Variants in ABCC12 observed in about 807,000 individuals in gnomAD.
ABCC12 encodes ATP-binding cassette sub-family C member 12.
Under a neutral mutation model 151.1 loss-of-function variants are expected in ABCC12, and 142 were observed. The observed-to-expected ratio is 0.94, with a 90% CI of 0.82 to 1.08. The LOEUF is 1.08. Ranked by LOEUF, ABCC12 falls within the 50% of genes least tolerant of loss-of-function variation. The probability of loss-of-function intolerance (pLI) is 0.00; values close to 1 mark genes in which losing one functional copy is unlikely to be tolerated. For synonymous variants in ABCC12, 645 were observed against 646.4 expected, an observed-to-expected ratio of 1.00 and a Z score of 0.03; for missense variants, 1,638 against 1,691.1, an observed-to-expected ratio of 0.97 and a Z score of 0.55.
In ABCC12 at chr16:48,140,869, C is replaced by T. The variant is rs138695112; in HGVS notation, c.475G>A (p.Val159Ile). Residue 159 changes from valine (V) to isoleucine (I), a missense_variant, in exon 6 of 31, where the codon GTC becomes ATC. Val to Ile is a conservative substitution (Grantham distance 29, BLOSUM62 3). Coordinates refer to ENST00000311303, the MANE Select transcript of ABCC12 (RefSeq NM_001393797.1). ...LQQTERTSGK[V>I]WVGIGLCIAL... ...ATGCACAGTCCAATGCCAACCCAGACTTTCCCAGAGGTCCTCTCAGTCTGC... is the reference window on the plus strand; with the variant it reads ...ATGCACAGTCCAATGCCAACCCAGATTTTCCCAGAGGTCCTCTCAGTCTGC... The T allele has an allele frequency of 7.1e-5, 115 of 1,614,064 alleles. No individual in the cohort carries two copies. In the African/African-American group the frequency reaches 1.3e-3, roughly 18 times the overall value.
intron 2 of ABCC12, among the ~76,000 whole-genome samples, chr16:48,146,939 A>C (rs1965024715): frequency 6.6e-6 from 1 of 151,442 alleles, no homozygotes; most frequent in African/African-American, 2.4e-5. Flanking sequence ...ATGCACACAC[A>C]CCGCCATGCG....
At chr16:48,125,459 A>G (rs1964208622) in intron 11 of ABCC12, among the ~76,000 whole-genome samples, 1 of 152,240 alleles carries the variant, frequency 6.6e-6, no homozygotes, top group South Asian at 2.1e-4. Flanking sequence ...GGAAACACTT[A>G]GAGGTCCAGG....
At chr16:48,140,630 G>T in intron 6 of ABCC12, 57 bp downstream of exon 6, 1 of 1,509,934 alleles carries the variant, frequency 6.6e-7, no homozygotes, top group Non-Finnish European at 9.1e-7. Flanking sequence ...CATCTCACAT[G>T]CACTCAAACC....
rs368189039 is a variant in ABCC12 at position 48,097,930 on chromosome 16, G to C, written c.3039-1028C>G. On this transcript the variant is annotated intron_variant, in intron 23 of 30. Transcript: ENST00000311303. ...CAGCAGGAAAGGATAGCAGAAAGGA[G>C]AGAATGGCCCAGAGGTGCCAGTCAC... 2.2e-3 allele frequency among the ~76,000 whole-genome samples: 329 copies of C among 152,324 alleles called. 5 individuals carry two copies. Among genetic ancestry groups the C allele is most frequent in the African/African-American group, 7.4e-3 (306 of 41,558 alleles).
intron 15 of ABCC12, among the ~76,000 whole-genome samples, chr16:48,112,891 C>CT (rs1461421499): frequency 1.3e-5 from 2 of 152,090 alleles, no homozygotes; most frequent in African/African-American, 4.8e-5. Flanking sequence ...GCCCAAAGCA[C>CT]TTCTGTTTTT....
At chr16:48,088,127 T>C in intron 26 of ABCC12, 42 bp from the exon 27 acceptor site, 1 of 1,599,924 alleles carries the variant, frequency 6.3e-7, no homozygotes, top group Non-Finnish European at 8.5e-7. Flanking sequence ...AAACATCAGT[T>C]TGTGCTTCCA....
intron 19 of ABCC12, among the ~76,000 whole-genome samples, chr16:48,107,776 C>T (rs967891146): frequency 1.3e-5 from 2 of 152,078 alleles, no homozygotes; most frequent in African/African-American, 2.4e-5. Context: ...CTGAGGCAGG[C>T]GGATCACCTG....
intron 13 of ABCC12, among the ~76,000 whole-genome samples, chr16:48,119,382 G>T (rs1963994586): frequency 6.6e-6 from 1 of 152,204 alleles, no homozygotes; most frequent in African/African-American, 2.4e-5. Context: ...TTCCCCATGT[G>T]CCCTGCATGC....
intron 11 of ABCC12, among the ~76,000 whole-genome samples, chr16:48,126,333 A>G (rs936248129): frequency 3.3e-5 from 5 of 152,152 alleles, no homozygotes; most frequent in African/African-American, 1.2e-4. Flanking sequence ...TGAGGCCTGT[A>G]TCCTCTGATG....
At chr16:48,087,042 G>A (rs551741744) in intron 27 of ABCC12, 5 of 482,634 alleles carry the variant, frequency 1.0e-5, no homozygotes, top group African/African-American at 7.7e-5. Flanking sequence ...GACCACTGAG[G>A]CAGGCAATGA....
chr16:48,139,017 A>G lies in ABCC12; in HGVS notation c.831+146T>C, dbSNP rs575915295. 2.2e-3 allele frequency: 2,089 copies of G among 969,408 alleles called. 11 individuals are homozygous for G. Among genetic ancestry groups the G allele is most frequent in the Middle Eastern group, 0.01 (31 of 3,090 alleles). 60.1% of individuals were successfully genotyped at this position (969,408 alleles called of 1,614,324 possible). A position where few individuals can be genotyped will look rare whatever the true frequency, so the allele number is the denominator to read the frequency against. ...AAAACAAACAAACAAACAAAAAACC[A>G]CTACTCTGTGCCAAAGGAAGTAAAT... On this transcript the variant is annotated intron_variant, in intron 7 of 30. Coordinates refer to ENST00000311303, the MANE Select transcript of ABCC12 (RefSeq NM_001393797.1).
At chr16:48,092,821 T>C (rs576648073) in intron 24 of ABCC12, among the ~76,000 whole-genome samples, 1 of 152,228 alleles carries the variant, frequency 6.6e-6, no homozygotes, top group East Asian at 1.9e-4. Context: ...CTGTGCGAGC[T>C]GAGGCATTTA....
Position 48,084,029 on chromosome 16 carries a change from A to G in ABCC12, c.3873T>C (p.Thr1291=), listed in dbSNP as rs1360091039. 1 of 1,612,162 alleles carries G rather than the reference A, an allele frequency of 6.2e-7. No homozygotes were observed. The highest frequency in any genetic ancestry group is 8.5e-7 in the Non-Finnish European group (1 of 1,179,608). The change falls in exon 30 of 31, where the codon ACT becomes ACC. Residue 1291 remains threonine, a synonymous_variant. Coordinates refer to ENST00000311303, the MANE Select transcript of ABCC12 (RefSeq NM_001393797.1). Reference sequence around the variant, plus strand: ...TGATGGTGTTCTGAACCAGGGTGTCAGTCTTGGAGTCCATAGAGGCGGTGG... The same window carrying G: ...TGATGGTGTTCTGAACCAGGGTGTCGGTCTTGGAGTCCATAGAGGCGGTGG... ...DEATASMDSK[T]DTLVQNTIKD... is the part of the protein sequence containing the mutation.
At position 48,132,272 on chromosome 16, in the gene ABCC12, G is replaced by T. The variant is rs530202136; in HGVS notation, c.1129-1377C>A. On this transcript the variant is annotated intron_variant, in intron 9 of 30. Transcript: ENST00000311303. The stretch of plus-strand genomic sequence containing the variant: ...CTGGCTTTGGGCTCACAGCTGGGCT[G>T]AAGGCCCTAAAGTGTGTCAGAATAA... Among the ~76,000 whole-genome samples the T allele has an allele frequency of 2.2e-3, 342 of 152,312 alleles. 3 individuals are homozygous for T. Among genetic ancestry groups the T allele is most frequent in the Non-Finnish European group, 4.2e-3 (285 of 68,030 alleles).
In ABCC12 at chr16:48,138,267, T is replaced by C. The variant is rs201162966; in HGVS notation, c.940A>G (p.Met314Val). 1.2e-6 allele frequency: 2 copies of C among 1,612,520 alleles called. No individual in the cohort carries two copies. Among genetic ancestry groups the C allele is most frequent in the Non-Finnish European group, 1.7e-6 (2 of 1,178,742 alleles). ...EFLTCIRLIK[M>V]YAWEKSFTNT... ...GTAAAAGATTTCTCCCAGGCATACA[T>C]TTTGATCAGCCTGATGCAGGTCAGA... Residue 314 changes from methionine (M) to valine (V), a missense_variant, in exon 8 of 31, where the codon ATG (methionine) becomes GTG (valine). By Grantham distance (21) the Met-to-Val change is conservative. Transcript: ENST00000311303.
chr16:48,140,778 C>T lies in ABCC12; in HGVS notation c.566G>A (p.Arg189His), dbSNP rs1287133996. ...FWALAWAINYRTAIRLKVALS... is the reference protein window; with the variant it reads ...FWALAWAINYHTAIRLKVALS... ...CGCCACCTTCAACCGGATGGCCGTG[C>T]GGTAGTTGATGGCCCAGGCAAGGGC... is the stretch of plus-strand genomic sequence containing the variant. Residue 189 changes from arginine (R) to histidine (H), a missense_variant, in exon 6 of 31, where the codon CGC becomes CAC. Arg to His is a conservative substitution (Grantham distance 29). Coordinates refer to ENST00000311303, the MANE Select transcript of ABCC12 (RefSeq NM_001393797.1). 5.6e-6 allele frequency: 9 copies of T among 1,614,030 alleles called. No individual in the cohort carries two copies. In the East Asian group the frequency reaches 6.7e-5, roughly 12 times the overall value.
chr16:48,115,383 C>G (rs755099060), intron 15 of ABCC12, 32 bp downstream of exon 15: 1 of 1,606,162 alleles, frequency 6.2e-7, no homozygotes, highest in Non-Finnish European at 8.5e-7. Context: ...ACACCCATCC[C>G]GTGACCTCCT....
intron 8 of ABCC12, among the ~76,000 whole-genome samples, chr16:48,134,155 G>A (rs1385446944): frequency 6.6e-6 from 1 of 152,204 alleles, no homozygotes; most frequent in African/African-American, 2.4e-5. Context: ...CAGAGAGGAG[G>A]GAAGACCAGA....
rs199919754 is a variant in ABCC12 at position 48,146,295 on chromosome 16, T to G, written c.119+11A>C. On this transcript the variant is annotated intron_variant, in intron 3 of 30. Transcript: ENST00000311303. ...GCCCTGGCCCTCCCTTCTGTCCTTC[T>G]TCTGACTTACCTTGCACAGGGTCGC... 5.0e-4 allele frequency: 808 copies of G among 1,613,650 alleles called. 1 individual carries two copies. The highest frequency in any genetic ancestry group is 1.3e-4 in the Admixed American group (8 of 60,008).
Sources: gnomAD v4.1 joint callset for allele counts (sites outside exome capture counted in the v4.1 genomes callset) on GRCh38, gnomAD v4.1.1 for gene constraint, MANE v1.5 for transcripts, NCBI Gene and HGNC (gene_info 2026-07-23, HGNC 2026-07-21) for gene names.